HS3ST5: variants seen among roughly 807,000 people sequenced by gnomAD.
HS3ST5 encodes the protein heparan sulfate-glucosamine 3-sulfotransferase 5, also known as heparan sulfate glucosamine 3-O-sulfotransferase 5.
In HS3ST5, 10 loss-of-function variants were observed where a neutral mutation model predicts 25.4. The observed-to-expected ratio is 0.39, with a 90% CI of 0.24 to 0.67. HS3ST5 has a LOEUF of 0.67. Ranked by LOEUF, HS3ST5 falls within the 30% of genes least tolerant of loss-of-function variation. HS3ST5 has a pLI of 0.44. For synonymous variants in HS3ST5, 170 were observed against 162.4 expected (o/e 1.05, Z -0.36); for missense variants, 324 against 420.7 (o/e 0.77, Z 2.01).
At chr6:114,117,614 A>T (rs902052173) in intron 3 of HS3ST5, among the ~76,000 whole-genome samples, 1 of 152,186 alleles carries the variant, frequency 6.6e-6, no homozygotes, top group Non-Finnish European at 1.5e-5. Flanking sequence ...TAAATTGGCC[A>T]TCCAATCTAA....
intron 2 of HS3ST5, among the ~76,000 whole-genome samples, chr6:114,226,141 A>T (rs181458333): frequency 3.9e-5 from 6 of 152,070 alleles, no homozygotes; most frequent in Admixed American, 3.9e-4. Context: ...CAAACATATA[A>T]CATTATCCTC....
chr6:114,085,661 C>A (rs1402619444), intron 3 of HS3ST5, among the ~76,000 whole-genome samples: 1 of 152,174 alleles, frequency 6.6e-6, no homozygotes, highest in Non-Finnish European at 1.5e-5. Flanking sequence ...AAAATTCTCA[C>A]AGCAATAGCC....
Position 114,084,620 on chromosome 6 carries a change from C to A in HS3ST5, c.-32-21743G>T, listed in dbSNP as rs559118713. The A allele has an allele frequency of 7.5e-6, 6 of 798,186 alleles. No individual in the cohort carries two copies. The African/African-American group carries it at 8.4e-5, about 11-fold the overall frequency. The allele number at this position is 798,186 out of a possible 1,614,324, so 49.4% of individuals were successfully genotyped here. A position where few individuals can be genotyped will look rare whatever the true frequency, so the allele number is the denominator to read the frequency against. On this transcript the variant is annotated intron_variant, in intron 3 of 4. Transcript: ENST00000312719. Reference sequence around the variant, plus strand: ...AGAGGAGAATTGTTACAGAGCAATGCTAGGTAGGTTAACATAAGATGCCTT... The same window carrying A: ...AGAGGAGAATTGTTACAGAGCAATGATAGGTAGGTTAACATAAGATGCCTT...
intron 3 of HS3ST5, among the ~76,000 whole-genome samples, chr6:114,088,561 C>G (rs1239446196): frequency 6.6e-6 from 1 of 152,220 alleles, no homozygotes; most frequent in African/African-American, 2.4e-5. Flanking sequence ...CTTGTCTCAT[C>G]TATTACGTTA....
intron 3 of HS3ST5, among the ~76,000 whole-genome samples, chr6:114,161,455 T>C (rs1275517217): frequency 7.1e-6 from 1 of 140,250 alleles, no homozygotes; most frequent in African/African-American, 2.6e-5. Context: ...AGCCATGATA[T>C]GTTTTACCTG....
chr6:114,163,594 G>A (rs1360802862), intron 3 of HS3ST5, among the ~76,000 whole-genome samples: 1 of 151,968 alleles, frequency 6.6e-6, no homozygotes, highest in Non-Finnish European at 1.5e-5. Context: ...GTCTTTGAAC[G>A]TTAAACCTCT....
At chr6:114,097,135 CAATT>C (rs1775474800) in intron 3 of HS3ST5, among the ~76,000 whole-genome samples, 1 of 151,906 alleles carries the variant, frequency 6.6e-6, no homozygotes, top group East Asian at 1.9e-4. Flanking sequence ...ATTATTCCAT[CAATT>C]AATAGATAAT....
Position 114,057,545 on chromosome 6 carries a change from A to C in HS3ST5, c.753T>G (p.His251Gln). 1 of 1,614,210 alleles carries C rather than the reference A, an allele frequency of 6.2e-7. No homozygotes were observed. Reference protein sequence around the residue: ...WLKYFPIEQFHVVDGDRLITE... With the variant: ...WLKYFPIEQFQVVDGDRLITE... ...TGATGAGGCGATCTCCATCGACGAC[A>C]TGAAATTGCTCAATTGGAAAGTATT... Residue 251 changes from histidine to glutamine, a missense_variant, in exon 5 of 5, where the codon CAT (histidine) becomes CAG (glutamine). By Grantham distance (24) the His-to-Gln change is conservative. Transcript: ENST00000312719.
At chr6:114,124,296 C>T (rs567341693) in intron 3 of HS3ST5, among the ~76,000 whole-genome samples, 2 of 152,208 alleles carry the variant, frequency 1.3e-5, no homozygotes, top group South Asian at 4.1e-4. Flanking sequence ...CTGCCCTGGA[C>T]CTCAGAGGGA....
intron 1 of HS3ST5, among the ~76,000 whole-genome samples, chr6:114,301,333 C>T (rs1775065214): frequency 6.6e-6 from 1 of 152,168 alleles, no homozygotes; most frequent in African/African-American, 2.4e-5. Context: ...TCATAGGACA[C>T]ACTAGGGTCC....
intron 2 of HS3ST5, among the ~76,000 whole-genome samples, chr6:114,179,545 T>C (rs1377590382): frequency 1.3e-5 from 2 of 152,128 alleles, no homozygotes; most frequent in African/African-American, 4.8e-5. Flanking sequence ...ATTTACTTAC[T>C]ATGCTAAATA....
chr6:114,271,370 G>A (rs1346435853), intron 1 of HS3ST5, among the ~76,000 whole-genome samples: 2 of 151,964 alleles, frequency 1.3e-5, no homozygotes, highest in Admixed American at 1.3e-4. Flanking sequence ...CACAGTAAGT[G>A]AGATTATGTA....
intron 3 of HS3ST5, among the ~76,000 whole-genome samples, chr6:114,136,054 A>T (rs1373293758): frequency 6.6e-6 from 1 of 152,208 alleles, no homozygotes. Context: ...CTCAGTGCAT[A>T]CTGGTTGAAT....
At chr6:114,329,294 GA>G (rs1167809766) in intron 1 of HS3ST5, among the ~76,000 whole-genome samples, 10 of 152,132 alleles carry the variant, frequency 6.6e-5, no homozygotes, top group Non-Finnish European at 1.5e-4. Flanking sequence ...TTAAGACTTT[GA>G]AATTTGCAAA....
At chr6:114,113,620 A>G (rs1345390551) in intron 3 of HS3ST5, among the ~76,000 whole-genome samples, 1 of 151,960 alleles carries the variant, frequency 6.6e-6, no homozygotes, top group East Asian at 1.9e-4. Context: ...AAGTTGATCT[A>G]TTAAATTACT....
chr6:114,249,290 C>T (rs949985032), intron 1 of HS3ST5, among the ~76,000 whole-genome samples: 3 of 152,234 alleles, frequency 2.0e-5, no homozygotes, highest in Non-Finnish European at 2.9e-5. Context: ...TTTTCTTATT[C>T]GATTTACCAT....
In HS3ST5 at chr6:114,208,671, G is replaced by A. The variant is rs142936355; in HGVS notation, c.-145+19914C>T. ...ATAGACTAATAAAAGCTATAGATACGTTTGTTGGTATTGCATTGTAGGAAA... is the reference window on the plus strand; with the variant it reads ...ATAGACTAATAAAAGCTATAGATACATTTGTTGGTATTGCATTGTAGGAAA... On this transcript the variant is annotated intron_variant, in intron 2 of 4. Coordinates refer to ENST00000312719, the MANE Select transcript of HS3ST5 (RefSeq NM_153612.4). Among the ~76,000 whole-genome samples the A allele has an allele frequency of 1.3e-3, 204 of 152,204 alleles. 1 individual carries two copies. The East Asian group carries it at 0.014, about 11-fold the overall frequency.
At chr6:114,253,386 A>G (rs1489827457) in intron 1 of HS3ST5, among the ~76,000 whole-genome samples, 2 of 152,222 alleles carry the variant, frequency 1.3e-5, no homozygotes, top group Non-Finnish European at 2.9e-5. Flanking sequence ...GTCAACAAAG[A>G]TCCAAAGAAT....
At chr6:114,124,630 CT>C (rs565626745) in intron 3 of HS3ST5, among the ~76,000 whole-genome samples, 686 of 127,620 alleles carry the variant, frequency 5.4e-3, no homozygotes, top group Middle Eastern at 0.028. Context: ...AGGATTAGCT[CT>C]TTTTTTTTTT....
Sources: gnomAD v4.1 joint callset for allele counts (sites outside exome capture counted in the v4.1 genomes callset) on GRCh38, gnomAD v4.1.1 for gene constraint, MANE v1.5 for transcripts, NCBI Gene and HGNC (gene_info 2026-07-23, HGNC 2026-07-21) for gene names.